FGD4: variants seen among roughly 807,000 people sequenced by gnomAD.
FGD4 encodes the protein FYVE, RhoGEF and PH domain-containing protein 4.
FGD4 carries 42 observed loss-of-function variants against 102.0 expected under a neutral mutation model. The observed-to-expected ratio is 0.41, with a 90% CI of 0.32 to 0.53. The LOEUF is 0.53. FGD4 is among the 20% of genes least tolerant of loss of function. The pLI is 0.21. For synonymous variants in FGD4, 380 were observed against 375.7 expected (o/e 1.01, Z -0.13); for missense variants, 902 against 1,078.2 (o/e 0.84, Z 2.29).
chr12:32,411,792 T>C (rs1291331393), intron 1 of FGD4, among the ~76,000 whole-genome samples: 1 of 152,108 alleles, frequency 6.6e-6, no homozygotes, highest in Non-Finnish European at 1.5e-5. Flanking sequence ...CTGACCAACA[T>C]GGTGAAATCC....
intron 1 of FGD4, among the ~76,000 whole-genome samples, chr12:32,531,056 A>G (rs1709521724): frequency 7.1e-6 from 1 of 140,082 alleles, no homozygotes; most frequent in Non-Finnish European, 1.5e-5. Flanking sequence ...GGTTCAAGCG[A>G]TTCTCCTGCC....
At chr12:32,483,495 T>A (rs10844216) in intron 1 of FGD4, among the ~76,000 whole-genome samples, 1 of 152,104 alleles carries the variant, frequency 6.6e-6, no homozygotes, top group African/African-American at 2.4e-5. Flanking sequence ...ATATAACTTT[T>A]CTTTTTCTTT....
intron 2 of FGD4, among the ~76,000 whole-genome samples, chr12:32,564,934 GA>G (rs1227137229): frequency 6.6e-6 from 1 of 152,198 alleles, no homozygotes; most frequent in African/African-American, 2.4e-5. Context: ...TGATGATAGA[GA>G]GCAAGGCCTT....
rs1251434152 is a variant in FGD4, at chr12:32,641,678, T to C, written c.*1145T>C. On this transcript the variant is annotated 3_prime_UTR_variant, in exon 17 of 17. Transcript: ENST00000534526. ...CCACATTTATCGTAATGTTTTTCTT[T>C]TCCGTAAGATAATCGAGCATGGTTA... 6.6e-6 allele frequency: 1 copy of C among 152,204 alleles called. No individual in the cohort carries two copies. The highest frequency in any genetic ancestry group is 1.5e-5 in the Non-Finnish European group (1 of 68,014). The allele number at this position is 152,204 out of a possible 1,614,324, so 9.4% of individuals were successfully genotyped here.
intron 1 of FGD4, among the ~76,000 whole-genome samples, chr12:32,492,228 A>T (rs1343320127): frequency 6.6e-6 from 1 of 152,212 alleles, no homozygotes. Context: ...GCTGTTACAG[A>T]AATTAGGTTC....
chr12:32,512,616 A>G (rs11608343), intron 1 of FGD4, among the ~76,000 whole-genome samples: 37,383 of 152,090 alleles, frequency 0.25, 5,358 homozygotes, highest in Middle Eastern at 0.43. Context: ...TCTCTTGGAA[A>G]GACCCAGGTG....
chr12:32,624,471 T>A lies in FGD4; in HGVS notation c.1953+19T>A. Reference sequence around the variant, plus strand: ...GATCAAGGTAAGCCTCATTTCTGTTTCCTTTTCTTTCTTTTTTTTTTTGAG... The same window carrying A: ...GATCAAGGTAAGCCTCATTTCTGTTACCTTTTCTTTCTTTTTTTTTTTGAG... On this transcript the variant is annotated intron_variant, in intron 12 of 16. Transcript: ENST00000534526. 6.3e-7 allele frequency: 1 copy of A among 1,583,560 alleles called. No individual in the cohort carries two copies. Among genetic ancestry groups the A allele is most frequent in the Non-Finnish European group, 8.6e-7 (1 of 1,163,752 alleles).
intron 16 of FGD4, 25 bp from the exon 17 acceptor site, chr12:32,640,251 T>G: frequency 1.2e-6 from 2 of 1,614,188 alleles, no homozygotes; most frequent in East Asian, 2.2e-5. Flanking sequence ...TCACCTGCTT[T>G]TAATGTCTGA....
intron 1 of FGD4, among the ~76,000 whole-genome samples, chr12:32,536,798 T>G (rs1942304466): frequency 6.6e-6 from 1 of 152,200 alleles, no homozygotes; most frequent in Admixed American, 6.5e-5. Flanking sequence ...TTCACCCTCT[T>G]AGAGAATAAG....
At chr12:32,427,040 A>G (rs918094603) in intron 1 of FGD4, among the ~76,000 whole-genome samples, 3 of 142,426 alleles carry the variant, frequency 2.1e-5, no homozygotes, top group African/African-American at 7.8e-5. Context: ...TTTTTTTTTC[A>G]TGGTTTTTTG....
chr12:32,450,871 AACTT>A (rs1942754785), intron 1 of FGD4, among the ~76,000 whole-genome samples: 1 of 152,156 alleles, frequency 6.6e-6, no homozygotes, highest in African/African-American at 2.4e-5. Flanking sequence ...CTTTATCCCT[AACTT>A]ACTTACTTAG....
At position 32,576,279 on chromosome 12, in the gene FGD4, A is replaced by G. The variant is rs951445911; in HGVS notation, c.333A>G (p.Pro111=). 16 of 1,602,646 alleles carry G rather than the reference A, an allele frequency of 1.0e-5. No homozygotes were observed. The highest frequency in any genetic ancestry group is 1.4e-5 in the Non-Finnish European group (16 of 1,173,406). The change falls in exon 3 of 17, where the codon CCA becomes CCG. Residue 111 remains proline (P), a synonymous_variant. Coordinates refer to ENST00000534526, the MANE Select transcript of FGD4 (RefSeq NM_001370298.3). The part of the protein sequence containing the change: ...ASPKPQVPPK[P]LHLQNSPSSN... ...CTTTTTCTACAGTGCCTCCAAAGCCATTACACCTGCAGAATTCACCTTCGT... is the reference window on the plus strand; with the variant it reads ...CTTTTTCTACAGTGCCTCCAAAGCCGTTACACCTGCAGAATTCACCTTCGT...
At chr12:32,601,901 G>A (rs981689351) in intron 6 of FGD4, among the ~76,000 whole-genome samples, 1 of 152,174 alleles carries the variant, frequency 6.6e-6, no homozygotes, top group African/African-American at 2.4e-5. Flanking sequence ...GAGCCCAGGA[G>A]TTCAAGACCA....
rs879318678 is a variant in FGD4, at chr12:32,573,930, A to C, written c.320-2336A>C. Among the ~76,000 whole-genome samples, 16 of 152,326 alleles carry C rather than the reference A, an allele frequency of 1.1e-4. No individual in the cohort carries two copies. In the East Asian group the frequency reaches 3.1e-3, roughly 29 times the overall value. On this transcript the variant is annotated intron_variant, in intron 2 of 16. Coordinates refer to ENST00000534526, the MANE Select transcript of FGD4 (RefSeq NM_001370298.3). ...CAAAAGTAATATATTCCTTACCTTC[A>C]TCAATTCCTGCCTTGTGGAGGAAAA...
At chr12:32,407,656 C>T (rs893207894) in intron 1 of FGD4, among the ~76,000 whole-genome samples, 4 of 152,164 alleles carry the variant, frequency 2.6e-5, no homozygotes, top group African/African-American at 7.2e-5. Context: ...CCTCATTGCA[C>T]TTTTTCTATC....
At chr12:32,610,015 A>G (rs1335739905) in intron 8 of FGD4, among the ~76,000 whole-genome samples, 1 of 152,210 alleles carries the variant, frequency 6.6e-6, no homozygotes, top group Non-Finnish European at 1.5e-5. Context: ...CACTGGCCTC[A>G]GAAGATTCCC....
chr12:32,600,665 T>C (rs962594679), intron 5 of FGD4, among the ~76,000 whole-genome samples: 2 of 150,056 alleles, frequency 1.3e-5, no homozygotes, highest in African/African-American at 4.9e-5. Context: ...CATATCAGTG[T>C]TTTACATTAC....
At chr12:32,434,604 A>G (rs1017609586) in intron 1 of FGD4, among the ~76,000 whole-genome samples, 2 of 152,222 alleles carry the variant, frequency 1.3e-5, no homozygotes, top group African/African-American at 4.8e-5. Context: ...CATGTAAATT[A>G]TGACTTTTGT....
intron 7 of FGD4, among the ~76,000 whole-genome samples, chr12:32,604,593 G>A (rs1380358779): frequency 6.6e-6 from 1 of 152,196 alleles, no homozygotes; most frequent in East Asian, 1.9e-4. Flanking sequence ...CTGGCTAGTA[G>A]AGTTATTGGC....
Sources: allele counts gnomAD v4.1 joint callset (sites outside exome capture counted in the v4.1 genomes callset), GRCh38; gene constraint gnomAD v4.1.1; transcripts MANE v1.5; gene names NCBI Gene and HGNC (gene_info 2026-07-23, HGNC 2026-07-21).